DNAL1: variants seen among roughly 807,000 people sequenced by gnomAD.
DNAL1 encodes the protein dynein axonemal light chain 1, also known as chromosome 14 open reading frame 168.
A neutral mutation model predicts 29.4 loss-of-function variants in DNAL1; 17 were observed. The ratio of observed to expected loss-of-function variants is 0.58; its 90% confidence interval spans 0.40 to 0.87. DNAL1 has a LOEUF of 0.87. Ranked by LOEUF, DNAL1 falls within the 40% of genes least tolerant of loss-of-function variation. DNAL1 has a pLI of 0.00. For missense variants in DNAL1, 188 were observed against 214.1 expected (o/e 0.88, Z 0.76); for synonymous variants, 78 against 76.3 (o/e 1.02, Z -0.12).
At chr14:73,671,515 CAAAA>C (rs747286974) in intron 4 of DNAL1, 23 bp from the exon 5 acceptor site, 2 of 1,430,528 alleles carry the variant, frequency 1.4e-6, no homozygotes, top group Non-Finnish European at 1.8e-6. Context: ...TTCTAGTAAA[CAAAA>C]AAATGTTTTC....
At chr14:73,671,803 C>G (rs1891621308) in intron 5 of DNAL1, among the ~76,000 whole-genome samples, 1 of 152,154 alleles carries the variant, frequency 6.6e-6, no homozygotes, top group Non-Finnish European at 1.5e-5. Flanking sequence ...CCCAATTTCC[C>G]ATACCAGCCT....
chr14:73,679,794 TC>T (rs1891833852), intron 5 of DNAL1, among the ~76,000 whole-genome samples: 1 of 45,850 alleles, frequency 2.2e-5, no homozygotes, highest in Non-Finnish European at 3.9e-5. Flanking sequence ...AATAGTCTTA[TC>T]TTCTTAATTA....
At chr14:73,683,286 T>C (rs1891935731) in intron 5 of DNAL1, among the ~76,000 whole-genome samples, 1 of 152,328 alleles carries the variant, frequency 6.6e-6, no homozygotes, top group Non-Finnish European at 1.5e-5. Context: ...TATTATGTAC[T>C]ATACATAAGT....
At chr14:73,691,045 T>A (rs1220199825) in intron 7 of DNAL1, among the ~76,000 whole-genome samples, 1 of 152,146 alleles carries the variant, frequency 6.6e-6, no homozygotes, top group Admixed American at 6.5e-5. Flanking sequence ...CACTTAATAG[T>A]TTGTGAAATT....
At chr14:73,647,198 A>G (rs1306721324) in intron 1 of DNAL1, among the ~76,000 whole-genome samples, 1 of 151,784 alleles carries the variant, frequency 6.6e-6, no homozygotes, top group Non-Finnish European at 1.5e-5. Context: ...CACTACTAAA[A>G]ATAGAAAAAA....
intron 1 of DNAL1, among the ~76,000 whole-genome samples, chr14:73,652,944 T>G (rs1190792370): frequency 1.3e-5 from 2 of 152,170 alleles, no homozygotes; most frequent in Admixed American, 1.3e-4. Flanking sequence ...TGGTATATAT[T>G]TGTGAACAAA....
At chr14:73,693,498 G>A (rs1892224592) in intron 7 of DNAL1, among the ~76,000 whole-genome samples, 1 of 152,288 alleles carries the variant, frequency 6.6e-6, no homozygotes, top group East Asian at 1.9e-4. Context: ...CAGTAAAAAT[G>A]AATGAATTAA....
chr14:73,676,847 A>C (rs1162136647), intron 5 of DNAL1, among the ~76,000 whole-genome samples: 4 of 152,032 alleles, frequency 2.6e-5, no homozygotes, highest in African/African-American at 9.7e-5. Context: ...TGTGCCTTTA[A>C]ATTTTTGATA....
At position 73,695,959 on chromosome 14, in the gene DNAL1, G is replaced by A; in HGVS notation, c.*17G>A. ...GACAACTAATGCCACGCTTTCCACT[G>A]TGTGTTAACTTATTTAAATGTCATA... On this transcript the variant is annotated 3_prime_UTR_variant, in exon 8 of 8. Transcript: ENST00000553645. The A allele has an allele frequency of 1.9e-6, 3 of 1,578,756 alleles. No individual in the cohort carries two copies. Among genetic ancestry groups the A allele is most frequent in the Non-Finnish European group, 2.6e-6 (3 of 1,159,856 alleles).
chr14:73,684,966 A>G (rs1891981092), intron 5 of DNAL1, among the ~76,000 whole-genome samples: 1 of 152,192 alleles, frequency 6.6e-6, no homozygotes. Flanking sequence ...GTAACCTCCA[A>G]CATGATATTA....
At chr14:73,645,106 G>A in intron 1 of DNAL1, 64 bp downstream of exon 1, 1 of 1,585,302 alleles carries the variant, frequency 6.3e-7, no homozygotes, top group Non-Finnish European at 8.6e-7. Flanking sequence ...AAGGGTGACT[G>A]TGGAGTGTTG....
At chr14:73,681,047 G>A (rs1891862315) in intron 5 of DNAL1, among the ~76,000 whole-genome samples, 1 of 152,120 alleles carries the variant, frequency 6.6e-6, no homozygotes, top group Non-Finnish European at 1.5e-5. Context: ...TGACTGATGA[G>A]TGAATGTGAA....
intron 1 of DNAL1, chr14:73,651,144 T>C (rs1387163139): frequency 1.3e-5 from 2 of 152,222 alleles, no homozygotes; most frequent in Admixed American, 6.5e-5. Context: ...TATTTTTTTT[T>C]CTGTTTCTTT....
At chr14:73,667,602 G>A (rs956530746) in intron 4 of DNAL1, among the ~76,000 whole-genome samples, 5 of 151,576 alleles carry the variant, frequency 3.3e-5, no homozygotes, top group Non-Finnish European at 5.9e-5. Flanking sequence ...GGGCTCAAGC[G>A]ATCCTCCCAC....
chr14:73,649,765 T>C (rs1891071625), intron 1 of DNAL1, among the ~76,000 whole-genome samples: 1 of 152,182 alleles, frequency 6.6e-6, no homozygotes. Context: ...ATAATTTTCT[T>C]ATTGTATGCA....
chr14:73,686,167 G>A (rs1892015441), intron 5 of DNAL1, among the ~76,000 whole-genome samples: 2 of 152,072 alleles, frequency 1.3e-5, no homozygotes, highest in East Asian at 1.9e-4. Context: ...ATTTCATTGC[G>A]CCAGTCTCCT....
At chr14:73,691,486 T>G (rs566054468) in intron 7 of DNAL1, among the ~76,000 whole-genome samples, 84 of 151,860 alleles carry the variant, frequency 5.5e-4, no homozygotes, top group African/African-American at 2.0e-3. Flanking sequence ...GAGGCGGTGG[T>G]TGCAGTGAGC....
intron 4 of DNAL1, among the ~76,000 whole-genome samples, chr14:73,668,825 C>T (rs1891547107): frequency 6.6e-6 from 1 of 152,114 alleles, no homozygotes; most frequent in South Asian, 2.1e-4. Flanking sequence ...TACAGGGACA[C>T]ACCACCATGC....
intron 5 of DNAL1, among the ~76,000 whole-genome samples, chr14:73,677,862 ATT>A (rs1189545796): frequency 9.4e-6 from 1 of 106,080 alleles, no homozygotes; most frequent in Non-Finnish European, 2.0e-5. Context: ...CGGCCCATAT[ATT>A]TATATATATA....
Sources: gnomAD v4.1 joint callset for allele counts (sites outside exome capture counted in the v4.1 genomes callset) on GRCh38, gnomAD v4.1.1 for gene constraint, MANE v1.5 for transcripts, NCBI Gene and HGNC (gene_info 2026-07-23, HGNC 2026-07-21) for gene names.